PTPN21: variants seen among roughly 807,000 people sequenced by gnomAD.
The protein encoded by PTPN21 is protein tyrosine phosphatase non-receptor type 21.
A neutral mutation model predicts 131.8 loss-of-function variants in PTPN21; 77 were observed. That is an observed-to-expected ratio of 0.58 (90% CI 0.49 to 0.71). The LOEUF (loss-of-function observed/expected upper bound fraction) is 0.71, where lower values mean the gene tolerates loss of function less well. PTPN21 is among the 30% of genes least tolerant of loss of function. The pLI, the probability that PTPN21 is intolerant of heterozygous loss-of-function variation, is 0.00. For synonymous variants in PTPN21, 715 were observed against 621.3 expected, an observed-to-expected ratio of 1.15 and a Z score of -2.24; for missense variants, 1,552 against 1,527.1, an observed-to-expected ratio of 1.02 and a Z score of -0.27.
At chr14:88,517,708 ATATG>A (rs1053074733) in intron 2 of PTPN21, among the ~76,000 whole-genome samples, 8 of 145,556 alleles carry the variant, frequency 5.5e-5, no homozygotes, top group African/African-American at 1.3e-4. Flanking sequence ...GTATGTGTAT[ATATG>A]TGTGTATGTG....
At position 88,480,045 on chromosome 14, in the gene PTPN21, C is replaced by T. The variant is rs1264037899; in HGVS notation, c.1386G>A (p.Leu462=). 1 of 1,613,920 alleles carries T rather than the reference C, an allele frequency of 6.2e-7. No homozygotes were observed. The highest frequency in any genetic ancestry group is 8.5e-7 in the Non-Finnish European group (1 of 1,180,044). Residue 462 remains leucine (L), a synonymous_variant, in exon 13 of 19, where the codon CTG becomes CTA. Coordinates refer to ENST00000556564, the MANE Select transcript of PTPN21 (RefSeq NM_007039.4). The part of the protein sequence containing the change: ...ETVMKQLNRG[L]VHAERQSHSL... Reference sequence around the variant, plus strand: ...AGTGGCTCTGCCGTTCCGCATGCACCAGGCCCCTGTTGAGCTGCTTCATCA... The same window carrying T: ...AGTGGCTCTGCCGTTCCGCATGCACTAGGCCCCTGTTGAGCTGCTTCATCA...
intron 11 of PTPN21, 149 bp downstream of exon 11, chr14:88,485,633 G>A (rs2077720529): frequency 2.0e-6 from 1 of 503,746 alleles, no homozygotes. Context: ...GGACCTATGG[G>A]AAAAAATTAC....
chr14:88,474,075 C>T (rs1358520742), intron 13 of PTPN21: 1 of 227,898 alleles, frequency 4.4e-6, no homozygotes, highest in Non-Finnish European at 8.1e-6. Context: ...AGGTGAGGCT[C>T]CAGGCAGACT....
In PTPN21 at chr14:88,472,493, T is replaced by C. The variant is rs1156465177; in HGVS notation, c.2650-28A>G. 4.2e-6 allele frequency: 6 copies of C among 1,413,486 alleles called. No homozygotes were observed. In the South Asian group the frequency reaches 7.0e-5, roughly 17 times the overall value. 87.6% of individuals were successfully genotyped at this position (1,413,486 alleles called of 1,614,324 possible). On this transcript the variant is annotated intron_variant, in intron 14 of 18. Transcript: ENST00000556564. The stretch of plus-strand genomic sequence containing the variant: ...ATAAAACAGAATATGTGTAATAACA[T>C]GAATACAGCCACACGTCGTGGCTAC...
intron 15 of PTPN21, 57 bp from the exon 16 acceptor site, chr14:88,470,107 T>C: frequency 1.9e-6 from 3 of 1,545,540 alleles, no homozygotes; most frequent in Admixed American, 1.7e-5. Flanking sequence ...CATAGGTATG[T>C]ATGCATGCAT....
chr14:88,518,386 G>GTGTGTGTATATATATATATA (rs1259300832), intron 2 of PTPN21, among the ~76,000 whole-genome samples: 2 of 9,706 alleles, frequency 2.1e-4, no homozygotes, highest in Non-Finnish European at 4.3e-4. Flanking sequence ...GTGTGTGTGT[G>GTGTGTGTATATATATATATA]TATATATATA....
chr14:88,554,652 T>TGCTCCC lies in PTPN21; in HGVS notation c.-210_-205dup, dbSNP rs936718953. 18 of 149,768 alleles carry TGCTCCC rather than the reference T, an allele frequency of 1.2e-4. No individual in the cohort carries two copies. Among genetic ancestry groups the TGCTCCC allele is most frequent in the African/African-American group, 2.4e-4 (10 of 41,098 alleles). The allele number at this position is 149,768 out of a possible 1,614,324, so 9.3% of individuals were successfully genotyped here. Reference sequence around the variant, plus strand: ...GCCGGCCGGGGACCGCGCCCTCACCTGCTCCCGCTCCCGCTCCCGCATCCT... The same window carrying TGCTCCC: ...GCCGGCCGGGGACCGCGCCCTCACCTGCTCCCGCTCCCGCTCCCGCTCCCGCATCCT... On this transcript the variant is annotated splice_region_variant and 5_prime_UTR_variant, in exon 1 of 19. Transcript: ENST00000556564.
In PTPN21 at chr14:88,479,806, A is replaced by G; in HGVS notation, c.1625T>C (p.Leu542Pro). 1.9e-6 allele frequency: 3 copies of G among 1,545,410 alleles called. No individual in the cohort carries two copies. The highest frequency in any genetic ancestry group is 2.6e-6 in the Non-Finnish European group (3 of 1,151,628). ...CTGCGCCTGCAGCTGCGCATTGGTCAGCTCCGGCACGCTGACCGCGCCCAC... is the reference window on the plus strand; with the variant it reads ...CTGCGCCTGCAGCTGCGCATTGGTCGGCTCCGGCACGCTGACCGCGCCCAC... ...PVVGAVSVPE[L>P]TNAQLQAQDY... The change falls in exon 13 of 19, where the codon CTG (leucine) becomes CCG (proline). Residue 542 changes from leucine (L) to proline (P), a missense_variant. This residue lies in a region of PTPN21 where 1,016 missense variants were observed against 883.5 expected (regional missense o/e 1.15). Transcript: ENST00000556564.
chr14:88,473,526 G>T, intron 14 of PTPN21, 139 bp downstream of exon 14: 2 of 969,650 alleles, frequency 2.1e-6, no homozygotes, highest in Non-Finnish European at 3.1e-6. Context: ...CAATTTTGAG[G>T]CCCATATTAC....
At chr14:88,548,567 C>G (rs1195951638) in intron 2 of PTPN21, among the ~76,000 whole-genome samples, 1 of 152,200 alleles carries the variant, frequency 6.6e-6, no homozygotes, top group African/African-American at 2.4e-5. Flanking sequence ...TGCCTGTTTT[C>G]TTACTGGCAA....
intron 7 of PTPN21, 39 bp from the exon 8 acceptor site, chr14:88,500,910 A>G: frequency 6.9e-7 from 1 of 1,454,626 alleles, no homozygotes; most frequent in Non-Finnish European, 9.7e-7. Context: ...CCCAGGAAGC[A>G]GATGCAGAGG....
chr14:88,487,374 C>T (rs1192078612), intron 10 of PTPN21, among the ~76,000 whole-genome samples: 2 of 152,066 alleles, frequency 1.3e-5, no homozygotes, highest in East Asian at 3.9e-4. Flanking sequence ...GGACTAATTA[C>T]TAGAAAATCC....
Position 88,501,372 on chromosome 14 carries a change from C to T in PTPN21, c.588-4G>A. On this transcript the variant is annotated splice_polypyrimidine_tract_variant and splice_region_variant and intron_variant, in intron 6 of 18. Coordinates refer to ENST00000556564, the MANE Select transcript of PTPN21 (RefSeq NM_007039.4). ...AGCATCAGGAGCTGTGAGCCCTCTG[C>T]AACCCAAAAGAAGCAAGATTGTTCA... 1.2e-6 allele frequency: 2 copies of T among 1,612,646 alleles called. No homozygotes were observed. The highest frequency in any genetic ancestry group is 1.7e-6 in the Non-Finnish European group (2 of 1,178,718).
chr14:88,517,325 C>A (rs979595051), intron 2 of PTPN21, 64 bp from the exon 3 acceptor site: 62 of 1,549,440 alleles, frequency 4.0e-5, no homozygotes, highest in Non-Finnish European at 5.2e-5. Flanking sequence ...TGACTTCAGT[C>A]GCACTAATCC....
intron 10 of PTPN21, among the ~76,000 whole-genome samples, chr14:88,493,780 G>A (rs1277322888): frequency 2.6e-5 from 4 of 151,980 alleles, no homozygotes; most frequent in Non-Finnish European, 5.9e-5. Context: ...GATGTCACTT[G>A]GCTGGGTAGC....
intron 10 of PTPN21, among the ~76,000 whole-genome samples, chr14:88,495,728 C>T (rs1055930325): frequency 6.6e-5 from 10 of 152,020 alleles, no homozygotes; most frequent in Non-Finnish European, 8.8e-5. Flanking sequence ...TCCTGGCAGC[C>T]GAAGAAGAGC....
chr14:88,469,431 A>G lies in PTPN21; in HGVS notation c.3235+68T>C. ...AACATAAAGGAAATATTTCGGAAACATAAATGTTCCTCTCTGTTTAACACC... is the reference window on the plus strand; with the variant it reads ...AACATAAAGGAAATATTTCGGAAACGTAAATGTTCCTCTCTGTTTAACACC... On this transcript the variant is annotated intron_variant, in intron 17 of 18. Transcript: ENST00000556564. The surrounding 1 kb of genome is among the most constrained non-coding windows in gnomAD (Gnocchi z 4.3). 7.5e-7 allele frequency: 1 copy of G among 1,332,342 alleles called. No homozygotes were observed. Among genetic ancestry groups the G allele is most frequent in the Admixed American group, 1.7e-5 (1 of 57,184 alleles). 82.5% of individuals were successfully genotyped at this position (1,332,342 alleles called of 1,614,324 possible).
In PTPN21 at chr14:88,479,371, G is replaced by A. The variant is rs772450718; in HGVS notation, c.2060C>T (p.Pro687Leu). The A allele has an allele frequency of 1.1e-5, 17 of 1,611,052 alleles. No homozygotes were observed. The East Asian group carries it at 2.9e-4, about 27-fold the overall frequency. Residue 687 changes from proline (P) to leucine (L), a missense_variant, in exon 13 of 19, where the codon CCG (proline) becomes CTG (leucine). Pro to Leu is a moderately conservative substitution (Grantham distance 98, BLOSUM62 -3). Transcript: ENST00000556564. ...VFTERTQREG[P>L]EEAEGLRYGH... ...GTACCTCAAGCCCTCCGCCTCCTCC[G>A]GCCCTTCTCGCTGTGTCCTCTCGGT...
At chr14:88,468,368 C>T (rs2077399112) in intron 18 of PTPN21, 103 bp from the exon 19 acceptor site, 10 of 1,162,394 alleles carry the variant, frequency 8.6e-6, no homozygotes, top group Non-Finnish European at 1.2e-5. Flanking sequence ...GGGAGATGGA[C>T]AGTCTCTTTT....
Sources: allele counts gnomAD v4.1 joint callset (sites outside exome capture counted in the v4.1 genomes callset), GRCh38; gene constraint gnomAD v4.1.1; regional missense constraint gnomAD v4.1.1; non-coding constraint Gnocchi (gnomAD v3.1); transcripts MANE v1.5; gene names NCBI Gene and HGNC (gene_info 2026-07-23, HGNC 2026-07-21).